Variants in PIWIL2 observed in about 807,000 individuals in gnomAD.
PIWIL2 encodes the protein piwi-like protein 2.
PIWIL2 carries 81 observed loss-of-function variants against 116.5 expected under a neutral mutation model. The ratio of observed to expected loss-of-function variants is 0.70; its 90% CI spans 0.58 to 0.84. The LOEUF (loss-of-function observed/expected upper bound fraction) is 0.84. PIWIL2 is among the 40% of genes least tolerant of loss of function. The probability of loss-of-function intolerance (pLI) is 0.00; values close to 1 mark genes in which losing one functional copy is unlikely to be tolerated. For missense variants in PIWIL2, 1,272 were observed against 1,212.3 expected (o/e 1.05, Z -0.73); for synonymous variants, 489 against 429.5 (o/e 1.14, Z -1.71).
At chr8:22,343,335 T>TGAGGCAGGAGAATCATTTGAACTTGG (rs1832152372) in intron 20 of PIWIL2, among the ~76,000 whole-genome samples, 2 of 152,018 alleles carry the variant, frequency 1.3e-5, no homozygotes, top group Non-Finnish European at 2.9e-5. Flanking sequence ...TCGGGAAGGC[T>TGAGGCAGGAGAATCATTTGAACTTGG]GAGGCAGGAG....
rs1832493371 is a variant in PIWIL2 at position 22,356,484 on chromosome 8, TC to T, written c.*983del. 1 of 152,168 alleles carries T rather than the reference TC, an allele frequency of 6.6e-6. No individual in the cohort carries two copies. Among genetic ancestry groups the T allele is most frequent in the African/African-American group, 2.4e-5 (1 of 41,440 alleles). The allele number at this position is 152,168 out of a possible 1,614,324, so 9.4% of individuals were successfully genotyped here. A position where few individuals can be genotyped will look rare whatever the true frequency, so the allele number is the denominator to read the frequency against. Reference sequence around the variant, plus strand: ...TTTCCAGCATACCATGACGATTTCTTCCCCAAATATACACATGCTCTTTTGC... The same window carrying T: ...TTTCCAGCATACCATGACGATTTCTTCCCAAATATACACATGCTCTTTTGC... On this transcript the variant is annotated 3_prime_UTR_variant, in exon 23 of 23. Coordinates refer to ENST00000356766, the MANE Select transcript of PIWIL2 (RefSeq NM_018068.5).
chr8:22,346,583 T>A (rs1832232318), intron 20 of PIWIL2, among the ~76,000 whole-genome samples: 1 of 152,214 alleles, frequency 6.6e-6, no homozygotes, highest in Admixed American at 6.5e-5. Flanking sequence ...AATATCTGTA[T>A]TTAGATTTGT....
Position 22,284,665 on chromosome 8 carries a change from T to C in PIWIL2, c.743+393T>C, listed in dbSNP as rs189674551. Among the ~76,000 whole-genome samples, 600 of 135,180 alleles carry C rather than the reference T, an allele frequency of 4.4e-3. 7 individuals are homozygous for C. Among genetic ancestry groups the C allele is most frequent in the South Asian group, 0.02 (70 of 3,528 alleles). The allele number at this position is 135,180 out of a possible 152,430, so 88.7% of individuals were successfully genotyped here. Reference sequence around the variant, plus strand: ...CCCCTCCCCCATCAGTGGTGTGAAATCCATGCCCTATGAAACCTGGATCCT... The same window carrying C: ...CCCCTCCCCCATCAGTGGTGTGAAACCCATGCCCTATGAAACCTGGATCCT... On this transcript the variant is annotated intron_variant, in intron 6 of 22. Coordinates refer to ENST00000356766, the MANE Select transcript of PIWIL2 (RefSeq NM_018068.5).
At position 22,316,262 on chromosome 8, in the gene PIWIL2, C is replaced by T. The variant is rs1421386628; in HGVS notation, c.2226C>T (p.Ile742=). 1.5e-5 allele frequency: 24 copies of T among 1,611,584 alleles called. No homozygotes were observed. Among genetic ancestry groups the T allele is most frequent in the Non-Finnish European group, 2.0e-5 (23 of 1,177,946 alleles). The part of the protein sequence containing the change: ...VDIPLKQLMV[I]GMDVYHDPSR... Reference sequence around the variant, plus strand: ...TAAACTAGAAACAGTTAATGGTGATCGGGATGGATGTTTACCATGACCCCA... The same window carrying T: ...TAAACTAGAAACAGTTAATGGTGATTGGGATGGATGTTTACCATGACCCCA... Residue 742 remains isoleucine (I), a synonymous_variant, in exon 19 of 23, where the codon ATC becomes ATT. Transcript: ENST00000356766.
At chr8:22,351,465 A>ATATATATATATATATATATG (rs1832358051) in intron 20 of PIWIL2, among the ~76,000 whole-genome samples, 2 of 92,894 alleles carry the variant, frequency 2.2e-5, no homozygotes, top group African/African-American at 5.5e-5. Flanking sequence ...ATATATATAT[A>ATATATATATATATATATATG]TATATATATA....
intron 20 of PIWIL2, among the ~76,000 whole-genome samples, chr8:22,324,943 G>C (rs893821594): frequency 6.6e-6 from 1 of 152,086 alleles, no homozygotes; most frequent in African/African-American, 2.4e-5. Flanking sequence ...ACCCTCAGAA[G>C]GTCTGTAAAC....
chr8:22,353,482 A>G (rs1268932367), intron 21 of PIWIL2, among the ~76,000 whole-genome samples: 1 of 152,004 alleles, frequency 6.6e-6, no homozygotes, highest in African/African-American at 2.4e-5. Flanking sequence ...AACCCTGTCT[A>G]CTGTAAATAA....
chr8:22,296,034 TTTTTTTTTTTTTTTTTTTTTTTTTG>T (rs1282985670), intron 10 of PIWIL2, among the ~76,000 whole-genome samples: 9 of 18,684 alleles, frequency 4.8e-4, no homozygotes, highest in East Asian at 0.01. Flanking sequence ...TTTTTTTTTT[TTTTTTTTTTTTTTTTTTTTTTTTTG>T]TTGTTGTTGT....
chr8:22,329,490 G>A (rs1462565705), intron 20 of PIWIL2, among the ~76,000 whole-genome samples: 3 of 152,182 alleles, frequency 2.0e-5, no homozygotes, highest in Non-Finnish European at 4.4e-5. Context: ...GAAAGTGAGA[G>A]AGAAGAAGAG....
intron 20 of PIWIL2, among the ~76,000 whole-genome samples, chr8:22,324,649 G>A (rs149613522): frequency 2.0e-5 from 3 of 152,314 alleles, no homozygotes; most frequent in African/African-American, 7.2e-5. Flanking sequence ...CTTGTTATGA[G>A]TTTGTGCTCC....
In PIWIL2 at chr8:22,317,355, C is replaced by A. The variant is rs117349811; in HGVS notation, c.2298-815C>A. ...ATATACTTTCAGATTCTCTTCTATG[C>A]CTATATTAACACATACATGTGATAT... On this transcript the variant is annotated intron_variant, in intron 19 of 22. Transcript: ENST00000356766. 2.5e-4 allele frequency among the ~76,000 whole-genome samples: 38 copies of A among 152,230 alleles called. No homozygotes were observed. The East Asian group carries it at 5.8e-3, about 23-fold the overall frequency.
intron 20 of PIWIL2, among the ~76,000 whole-genome samples, chr8:22,326,658 A>T (rs1031543363): frequency 6.6e-6 from 1 of 152,192 alleles, no homozygotes; most frequent in African/African-American, 2.4e-5. Context: ...TCTGTGTTGT[A>T]GCATATATTA....
chr8:22,317,946 C>T (rs184824598), intron 19 of PIWIL2, among the ~76,000 whole-genome samples: 1 of 152,058 alleles, frequency 6.6e-6, no homozygotes, highest in Non-Finnish European at 1.5e-5. Flanking sequence ...CAGGCATGAG[C>T]CACCGCGCTC....
chr8:22,324,139 G>A (rs145890725), intron 20 of PIWIL2, among the ~76,000 whole-genome samples: 2,421 of 152,232 alleles, frequency 0.016, 26 homozygotes, highest in East Asian at 0.021. Flanking sequence ...GTGGGCACCT[G>A]TAATCTCAGC....
chr8:22,285,871 C>T (rs1277449066), intron 6 of PIWIL2, among the ~76,000 whole-genome samples: 1 of 152,084 alleles, frequency 6.6e-6, no homozygotes, highest in Non-Finnish European at 1.5e-5. Flanking sequence ...TCTCAAACTC[C>T]TGACCTCAAG....
rs71206515 is a variant in PIWIL2 at position 22,349,419 on chromosome 8, GTATATATA to G, written c.2404-3521_2404-3514del. On this transcript the variant is annotated intron_variant, in intron 20 of 22. Coordinates refer to ENST00000356766, the MANE Select transcript of PIWIL2 (RefSeq NM_018068.5). ...TTTTGTGTACAATATATGTGTGTGT[GTATATATA>G]TATATATATATATATATAAATTTTA... 2.9e-3 allele frequency among the ~76,000 whole-genome samples: 396 copies of G among 134,444 alleles called. 4 individuals are homozygous for G. The highest frequency in any genetic ancestry group is 9.5e-3 in the African/African-American group (347 of 36,686). 88.2% of individuals were successfully genotyped at this position (134,444 alleles called of 152,430 possible).
intron 20 of PIWIL2, among the ~76,000 whole-genome samples, chr8:22,328,818 G>GTTTTTTTTTTTTTTTTTTTT (rs57027657): frequency 9.3e-6 from 1 of 107,162 alleles, no homozygotes; most frequent in African/African-American, 3.5e-5. Context: ...AGCTCTAGTC[G>GTTTTTTTTTTTTTTTTTTTT]TTTTTTTTTT....
rs1205499858 is a variant in PIWIL2 at position 22,356,737 on chromosome 8, T to C, written c.*1232T>C. 1 of 152,168 alleles carries C rather than the reference T, an allele frequency of 6.6e-6. No homozygotes were observed. Among genetic ancestry groups the C allele is most frequent in the Non-Finnish European group, 1.5e-5 (1 of 68,036 alleles). 9.4% of individuals were successfully genotyped at this position (152,168 alleles called of 1,614,324 possible). On this transcript the variant is annotated 3_prime_UTR_variant, in exon 23 of 23. Coordinates refer to ENST00000356766, the MANE Select transcript of PIWIL2 (RefSeq NM_018068.5). ...TTGCTGGAATTTTTCTGAATCCAGG[T>C]TAAGATTTCCAGAAGTCAGCTTTGG...
At chr8:22,304,242 G>T (rs777218858) in intron 11 of PIWIL2, 33 bp downstream of exon 11, 33 of 1,492,556 alleles carry the variant, frequency 2.2e-5, no homozygotes, top group Non-Finnish European at 3.0e-5. Context: ...GGGCCTCAGG[G>T]TGGGGGTTGG....
Sources: gnomAD v4.1 joint callset for allele counts (sites outside exome capture counted in the v4.1 genomes callset) on GRCh38, gnomAD v4.1.1 for gene constraint, MANE v1.5 for transcripts, NCBI Gene and HGNC (gene_info 2026-07-23, HGNC 2026-07-21) for gene names.